The following TSPAN9 variants were observed in gnomAD, a reference collection of about 807,000 sequenced individuals.
TSPAN9 encodes the protein tetraspanin-9.
TSPAN9 carries 16 observed loss-of-function variants against 31.0 expected under a neutral mutation model. The observed-to-expected ratio is 0.52, with a 90% CI of 0.35 to 0.78. TSPAN9 has a LOEUF of 0.78. Ranked by LOEUF, TSPAN9 falls within the 30% of genes least tolerant of loss-of-function variation. TSPAN9 has a pLI of 0.01. For missense variants in TSPAN9, 272 were observed against 312.5 expected (o/e 0.87, Z 0.98); for synonymous variants, 145 against 121.6 (o/e 1.19, Z -1.27).
chr12:3,234,928 A>G (rs1432175633), intron 3 of TSPAN9, among the ~76,000 whole-genome samples: 2 of 151,618 alleles, frequency 1.3e-5, no homozygotes, highest in African/African-American at 2.4e-5. Context: ...TGGGAGGCCA[A>G]GGTGGGTGGA....
intron 2 of TSPAN9, among the ~76,000 whole-genome samples, chr12:3,163,173 A>T (rs906929109): frequency 6.6e-6 from 1 of 152,174 alleles, no homozygotes; most frequent in African/African-American, 2.4e-5. Flanking sequence ...GAATGAATGA[A>T]TGCTTTTCTA....
rs877090 is a variant in TSPAN9 at position 3,280,618 on chromosome 12, G to A, written c.432+135G>A. ...TAGCCGGGAGTGGAGTGGTACCCACGGGGGCATTTGCCTGAACTGCTGAGT... is the reference window on the plus strand; with the variant it reads ...TAGCCGGGAGTGGAGTGGTACCCACAGGGGCATTTGCCTGAACTGCTGAGT... On this transcript the variant is annotated intron_variant, in intron 6 of 8. Transcript: ENST00000011898. This position sits in a 1 kb window ranked among gnomAD's most constrained non-coding sequence, Gnocchi z 4.5. The A allele has an allele frequency of 0.54, 410,167 of 760,978 alleles. 117,137 individuals are homozygous for A. The highest frequency in any genetic ancestry group is 0.63 in the South Asian group (37,603 of 59,886). 47.1% of individuals were successfully genotyped at this position (760,978 alleles called of 1,614,324 possible). A position where few individuals can be genotyped will look rare whatever the true frequency, so the allele number is the denominator to read the frequency against.
intron 3 of TSPAN9, among the ~76,000 whole-genome samples, chr12:3,266,208 G>A (rs1300695797): frequency 6.6e-6 from 1 of 152,190 alleles, no homozygotes; most frequent in African/African-American, 2.4e-5. Flanking sequence ...GAGCCAGGCA[G>A]ATGACCCAGA....
At chr12:3,272,117 G>T (rs1254293213) in intron 3 of TSPAN9, among the ~76,000 whole-genome samples, 1 of 152,312 alleles carries the variant, frequency 6.6e-6, no homozygotes, top group East Asian at 1.9e-4. Flanking sequence ...AGTGGATGAG[G>T]GTGTCAGGGG....
chr12:3,275,242 C>G (rs1862760457), intron 3 of TSPAN9, among the ~76,000 whole-genome samples: 1 of 152,196 alleles, frequency 6.6e-6, no homozygotes, highest in Non-Finnish European at 1.5e-5. Context: ...AAGGGGCCCC[C>G]CGCTGCAGGT....
At chr12:3,275,399 T>A (rs1203383538) in intron 3 of TSPAN9, among the ~76,000 whole-genome samples, 1 of 152,044 alleles carries the variant, frequency 6.6e-6, no homozygotes, top group Non-Finnish European at 1.5e-5. Flanking sequence ...CTGCAGCGAG[T>A]ACCTGCGGCA....
intron 2 of TSPAN9, among the ~76,000 whole-genome samples, chr12:3,159,178 G>T (rs941880350): frequency 2.0e-5 from 3 of 151,272 alleles, no homozygotes; most frequent in African/African-American, 7.3e-5. Context: ...AGCCTCGGAG[G>T]CTACGGCAAC....
chr12:3,273,947 C>G (rs1862732651), intron 3 of TSPAN9, among the ~76,000 whole-genome samples: 1 of 152,238 alleles, frequency 6.6e-6, no homozygotes, highest in Non-Finnish European at 1.5e-5. Context: ...TCTCCCTTCC[C>G]CACCGCTGGA....
intron 2 of TSPAN9, among the ~76,000 whole-genome samples, chr12:3,162,764 A>C (rs2098346108): frequency 6.6e-6 from 1 of 152,232 alleles, no homozygotes; most frequent in African/African-American, 2.4e-5. Context: ...GAAGTTAATG[A>C]AACAAGTTAT....
At chr12:3,242,409 G>A (rs1451472694) in intron 3 of TSPAN9, among the ~76,000 whole-genome samples, 1 of 152,184 alleles carries the variant, frequency 6.6e-6, no homozygotes, top group Non-Finnish European at 1.5e-5. Flanking sequence ...CCCACCTCTA[G>A]CCAACAGCAA....
At chr12:3,240,600 C>G (rs1343862615) in intron 3 of TSPAN9, among the ~76,000 whole-genome samples, 1 of 152,136 alleles carries the variant, frequency 6.6e-6, no homozygotes, top group East Asian at 1.9e-4. Context: ...TTGTCTGTCG[C>G]TATACTACCT....
chr12:3,222,820 C>CTTAAAT (rs1300000548), intron 3 of TSPAN9, among the ~76,000 whole-genome samples: 1 of 152,220 alleles, frequency 6.6e-6, no homozygotes, highest in African/African-American at 2.4e-5. Flanking sequence ...AAACCACCCC[C>CTTAAAT]CAGGTCCCAC....
chr12:3,260,198 G>T (rs7315858), intron 3 of TSPAN9, among the ~76,000 whole-genome samples: 3,104 of 152,366 alleles, frequency 0.02, 115 homozygotes, highest in African/African-American at 0.069. Flanking sequence ...TTACCATCCT[G>T]TGCGGTGCTG....
chr12:3,099,681 T>C (rs2098310873), intron 2 of TSPAN9, among the ~76,000 whole-genome samples: 1 of 152,172 alleles, frequency 6.6e-6, no homozygotes, highest in Admixed American at 6.5e-5. Flanking sequence ...TTCATTTAAA[T>C]TGCTTGGGCT....
Position 3,286,452 on chromosome 12 carries a change from T to A in TSPAN9, c.*3336T>A, listed in dbSNP as rs1330357385. 4.6e-5 allele frequency: 7 copies of A among 152,632 alleles called. No homozygotes were observed. The highest frequency in any genetic ancestry group is 7.3e-5 in the Non-Finnish European group (5 of 68,056). 9.5% of individuals were successfully genotyped at this position (152,632 alleles called of 1,614,324 possible). A position where few individuals can be genotyped will look rare whatever the true frequency, so the allele number is the denominator to read the frequency against. ...ACGCTTGTTGGTTTCAGATGCACTT[T>A]CTGCTTGCATTGCCGTATCTGTGCG... On this transcript the variant is annotated 3_prime_UTR_variant, in exon 9 of 9. Transcript: ENST00000011898. This position sits in a 1 kb window ranked among gnomAD's most constrained non-coding sequence, Gnocchi z 4.1.
intron 2 of TSPAN9, among the ~76,000 whole-genome samples, chr12:3,103,266 A>G (rs2098312681): frequency 6.6e-6 from 1 of 152,200 alleles, no homozygotes; most frequent in Non-Finnish European, 1.5e-5. Flanking sequence ...ATGAAAATAT[A>G]TTCACTATTT....
chr12:3,088,619 G>A (rs2098302028), intron 2 of TSPAN9, among the ~76,000 whole-genome samples: 2 of 152,224 alleles, frequency 1.3e-5, no homozygotes, highest in African/African-American at 4.8e-5. Flanking sequence ...GTTCGTGCCC[G>A]CAGTGCAGGG....
In TSPAN9 at chr12:3,081,844, G is replaced by GTGTATATATATATATATATATA. The variant is rs57812985; in HGVS notation, c.-84-1808_-84-1807insGTATATATATATATATATATAT. Among the ~76,000 whole-genome samples, 144 of 116,764 alleles carry GTGTATATATATATATATATATA rather than the reference G, an allele frequency of 1.2e-3. 3 individuals carry two copies. The highest frequency in any genetic ancestry group is 3.9e-3 in the African/African-American group (106 of 27,444). The allele number at this position is 116,764 out of a possible 152,430, so 76.6% of individuals were successfully genotyped here. On this transcript the variant is annotated intron_variant, in intron 1 of 8. Transcript: ENST00000011898. Reference sequence around the variant, plus strand: ...TGTGTGTGTGTGTGTGTCTGTGTGTGTATATATATGCCAGGTGTGGTGGTA... The same window carrying GTGTATATATATATATATATATA: ...TGTGTGTGTGTGTGTGTCTGTGTGTGTGTATATATATATATATATATATATATATATGCCAGGTGTGGTGGTA...
At chr12:3,266,154 T>G (rs1433911186) in intron 3 of TSPAN9, among the ~76,000 whole-genome samples, 1 of 151,902 alleles carries the variant, frequency 6.6e-6, no homozygotes, top group Non-Finnish European at 1.5e-5. Context: ...TTTCTCAGAG[T>G]AGGGACGTGT....
Sources: gnomAD v4.1 joint callset for allele counts (sites outside exome capture counted in the v4.1 genomes callset) on GRCh38, gnomAD v4.1.1 for gene constraint, Gnocchi (gnomAD v3.1) non-coding constraint, MANE v1.5 for transcripts, NCBI Gene and HGNC (gene_info 2026-07-23, HGNC 2026-07-21) for gene names.